ORC1: variants seen among roughly 807,000 people sequenced by gnomAD.
ORC1 encodes the protein origin recognition complex subunit 1, also known as origin recognition complex, subunit 1 homolog.
ORC1 carries 61 observed loss-of-function variants against 98.9 expected under a neutral mutation model. The observed-to-expected ratio is 0.62, with a 90% CI of 0.50 to 0.76. ORC1 has a LOEUF of 0.76. Among genes scored for constraint, ORC1 ranks in the 30% least tolerant of loss-of-function variants. The probability of loss-of-function intolerance (pLI) is 0.00; values close to 1 mark genes in which losing one functional copy is unlikely to be tolerated. For synonymous variants in ORC1, 385 were observed against 406.9 expected (o/e 0.95, Z 0.65); for missense variants, 979 against 1,072.2 (o/e 0.91, Z 1.21).
At chr1:52,374,766 G>T (rs113159737) in intron 16 of ORC1, 44 bp downstream of exon 16, 4 of 1,343,790 alleles carry the variant, frequency 3.0e-6, no homozygotes, top group South Asian at 1.2e-5. Context: ...TTTTAAAAGC[G>T]TAAGTCCAAA....
chr1:52,383,610 G>T (rs1647102340), intron 12 of ORC1, 41 bp from the exon 13 acceptor site: 10 of 1,610,054 alleles, frequency 6.2e-6, no homozygotes, highest in African/African-American at 1.3e-5. Context: ...CAATCACAGA[G>T]ACTGAGCTGG....
At chr1:52,406,957 A>G (rs1224090195), upstream of ORC1, among the ~76,000 whole-genome samples, 1 of 152,214 alleles carries the variant, frequency 6.6e-6, no homozygotes, top group East Asian at 1.9e-4. Context: ...GACTTTCAAA[A>G]GCCTCCTAGT....
At chr1:52,398,011 T>A in intron 3 of ORC1, 148 bp from the exon 4 acceptor site, 1 of 730,126 alleles carries the variant, frequency 1.4e-6, no homozygotes, top group East Asian at 2.7e-5. Flanking sequence ...TCACCCAGGC[T>A]GGAGTGCAGT....
chr1:52,393,861 T>C lies in ORC1; in HGVS notation c.722-58A>G. On this transcript the variant is annotated intron_variant, in intron 5 of 16. Transcript: ENST00000371568. Reference sequence around the variant, plus strand: ...TACCTAACAATATACAAACCCACAATCTCATCACAGCCAAATTCAGCCACT... The same window carrying C: ...TACCTAACAATATACAAACCCACAACCTCATCACAGCCAAATTCAGCCACT... 2.5e-6 allele frequency: 4 copies of C among 1,577,490 alleles called. No homozygotes were observed. In the Admixed American group the frequency reaches 6.7e-5, roughly 26 times the overall value.
At chr1:52,392,587 T>C (rs1324941263) in intron 6 of ORC1, among the ~76,000 whole-genome samples, 3 of 152,100 alleles carry the variant, frequency 2.0e-5, no homozygotes, top group Admixed American at 1.3e-4. Context: ...AGTCATTATA[T>C]TAAAAAAAAG....
intron 14 of ORC1, 64 bp from the exon 15 acceptor site, chr1:52,375,663 T>G: frequency 6.6e-7 from 1 of 1,507,314 alleles, no homozygotes; most frequent in Non-Finnish European, 9.2e-7. Context: ...AGATTCTTGG[T>G]AGTGCTGGCA....
At chr1:52,373,672 C>T (rs370493265) in intron 16 of ORC1, among the ~76,000 whole-genome samples, 1 of 152,196 alleles carries the variant, frequency 6.6e-6, no homozygotes, top group African/African-American at 2.4e-5. Flanking sequence ...ATACACTGTA[C>T]ATCCCTTGTG....
At position 52,384,946 on chromosome 1, in the gene ORC1, A is replaced by G. The variant is rs544912961; in HGVS notation, c.1583+215T>C. Reference sequence around the variant, plus strand: ...ATGCTATATGCAAACTGCCTACTCAATGAAGGCCAGTTTCATTCTTTCTGA... The same window carrying G: ...ATGCTATATGCAAACTGCCTACTCAGTGAAGGCCAGTTTCATTCTTTCTGA... On this transcript the variant is annotated intron_variant, in intron 10 of 16. Coordinates refer to ENST00000371568, the MANE Select transcript of ORC1 (RefSeq NM_004153.4). 5.3e-5 allele frequency among the ~76,000 whole-genome samples: 8 copies of G among 152,282 alleles called. No homozygotes were observed. The South Asian group carries it at 1.2e-3, about 24-fold the overall frequency.
At chr1:52,385,090 G>A (rs1647125119) in intron 10 of ORC1, 71 bp downstream of exon 10, 3 of 972,062 alleles carry the variant, frequency 3.1e-6, no homozygotes, top group Admixed American at 3.4e-5. Flanking sequence ...TGGCTGAACT[G>A]TAACACCCAA....
intron 14 of ORC1, among the ~76,000 whole-genome samples, chr1:52,378,571 G>C (rs1053476920): frequency 6.6e-6 from 1 of 151,780 alleles, no homozygotes; most frequent in Admixed American, 6.6e-5. Flanking sequence ...GGCTGAGGCA[G>C]GAGAATTGCT....
chr1:52,397,586 A>G (rs182442954), intron 4 of ORC1, 99 bp downstream of exon 4: 212 of 1,062,840 alleles, frequency 2.0e-4, no homozygotes, highest in Non-Finnish European at 2.7e-4. Context: ...TGCATTCCCT[A>G]TGGGGTATTA....
At chr1:52,406,732 T>G (rs745962174), upstream of ORC1, among the ~76,000 whole-genome samples, 15 of 152,250 alleles carry the variant, frequency 9.9e-5, no homozygotes, top group Non-Finnish European at 1.9e-4. Context: ...CATAATAGCT[T>G]CTTATGTGCC....
intron 14 of ORC1, among the ~76,000 whole-genome samples, chr1:52,379,071 G>A (rs1425036079): frequency 1.3e-5 from 2 of 151,912 alleles, no homozygotes; most frequent in African/African-American, 2.4e-5. Context: ...CTGCAAGTTA[G>A]AAAGACATGG....
At position 52,383,563 on chromosome 1, in the gene ORC1, G is replaced by A; in HGVS notation, c.1870C>T (p.Leu624Phe). Residue 624 changes from leucine (L) to phenylalanine (F), a missense_variant, in exon 13 of 17, where the codon CTT (leucine) becomes TTT (phenylalanine). Physicochemically the swap from Leu to Phe is conservative, Grantham distance 22 (BLOSUM62 0). Transcript: ENST00000371568. ...TTVLLVDELD[L>F]LWTHKQDIMY... ...ATGTCTTGTTTGTGAGTCCACAGAA[G>A]GTCGAGCTGCCAGGGCAAAGGAGAG... The A allele has an allele frequency of 6.2e-7, 1 of 1,614,094 alleles. No individual in the cohort carries two copies.
chr1:52,386,035 T>C, intron 8 of ORC1, 86 bp from the exon 9 acceptor site: 1 of 993,448 alleles, frequency 1.0e-6, no homozygotes, highest in Middle Eastern at 3.0e-4. Context: ...TGTGCTGATC[T>C]GATAAAAGGA....
chr1:52,405,007 A>T (rs907559825), upstream of ORC1: 8 of 1,071,770 alleles, frequency 7.5e-6, no homozygotes, highest in Admixed American at 1.7e-4. Context: ...CATTCAGAAA[A>T]ATTTTGAGTG....
At chr1:52,379,263 A>T (rs527941368) in intron 14 of ORC1, among the ~76,000 whole-genome samples, 84 of 140,846 alleles carry the variant, frequency 6.0e-4, no homozygotes, top group African/African-American at 2.1e-3. Flanking sequence ...TTTTTTTCTG[A>T]GACGGAGTCT....
chr1:52,384,725 G>C lies in ORC1; in HGVS notation c.1584-4C>G, dbSNP rs114617697. 6.4e-4 allele frequency: 1,029 copies of C among 1,612,702 alleles called. 8 individuals carry two copies. The African/African-American group carries it at 0.012, about 19-fold the overall frequency. Reference sequence around the variant, plus strand: ...GACACCGGAGATGTACATGCACCTAGAGCAAGAGAGGAAAACCCGTGGGGT... The same window carrying C: ...GACACCGGAGATGTACATGCACCTACAGCAAGAGAGGAAAACCCGTGGGGT... On this transcript the variant is annotated splice_polypyrimidine_tract_variant and splice_region_variant and intron_variant, in intron 10 of 16. Transcript: ENST00000371568.
intron 13 of ORC1, among the ~76,000 whole-genome samples, chr1:52,382,954 C>CAAGA (rs1018584159): frequency 1.3e-5 from 2 of 152,082 alleles, no homozygotes; most frequent in Non-Finnish European, 2.9e-5. Flanking sequence ...AGCAGAACAC[C>CAAGA]AAGATATGAT....
Sources: allele counts gnomAD v4.1 joint callset (sites outside exome capture counted in the v4.1 genomes callset), GRCh38; gene constraint gnomAD v4.1.1; transcripts MANE v1.5; gene names NCBI Gene and HGNC (gene_info 2026-07-23, HGNC 2026-07-21).